TUBA1C: variants seen among roughly 807,000 people sequenced by gnomAD.
TUBA1C encodes tubulin alpha 1c, also known as tubulin alpha-1C chain.
In TUBA1C, 16 loss-of-function variants were observed where a neutral mutation model predicts 34.9. That is an observed-to-expected ratio of 0.46 (90% confidence interval 0.31 to 0.70). The LOEUF (loss-of-function observed/expected upper bound fraction) is 0.70, where lower values mean the gene tolerates loss of function less well. TUBA1C is among the 30% of genes least tolerant of loss of function. The pLI is 0.05. For missense variants in TUBA1C, 329 were observed against 587.3 expected (o/e 0.56, Z 4.55); for synonymous variants, 177 against 215.9 (o/e 0.82, Z 1.58).
intron 1 of TUBA1C, among the ~76,000 whole-genome samples, chr12:49,239,385 A>G (rs979208276): frequency 6.6e-6 from 1 of 152,162 alleles, no homozygotes; most frequent in African/African-American, 2.4e-5. Flanking sequence ...TCATACCTAT[A>G]ATCCCAGCAC....
In TUBA1C at chr12:49,269,911, G is replaced by T. The variant is rs1048698889; in HGVS notation, c.310G>T (p.Ala104Ser). 6.2e-7 allele frequency: 1 copy of T among 1,614,168 alleles called. No individual in the cohort carries two copies. The highest frequency in any genetic ancestry group is 8.5e-7 in the Non-Finnish European group (1 of 1,180,048). ...CAAGGAAGATGCTGCCAATAACTAT[G>T]CCCGAGGGCACTACACCATTGGCAA... The part of the protein sequence containing the change: ...TGKEDAANNY[A>S]RGHYTIGKEI... Residue 104 changes from alanine to serine, a missense_variant, in exon 3 of 4, where the codon GCC (alanine) becomes TCC (serine). Physicochemically the swap from Ala to Ser is moderately conservative, Grantham distance 99. Transcript: ENST00000301072.
At chr12:49,264,246 T>C (rs916351732), upstream of TUBA1C, among the ~76,000 whole-genome samples, 1 of 150,916 alleles carries the variant, frequency 6.6e-6, no homozygotes, top group African/African-American at 2.4e-5. Flanking sequence ...CCAACTACTC[T>C]GCATAGTTAG....
chr12:49,239,505 G>A (rs1655735693), intron 1 of TUBA1C, among the ~76,000 whole-genome samples: 1 of 152,122 alleles, frequency 6.6e-6, no homozygotes, highest in African/African-American at 2.4e-5. Flanking sequence ...GCCAGGTGTG[G>A]TGGCATGTGC....
intron 1 of TUBA1C, among the ~76,000 whole-genome samples, chr12:49,239,981 C>G (rs1357282488): frequency 6.6e-6 from 1 of 151,116 alleles, no homozygotes; most frequent in Non-Finnish European, 1.5e-5. Flanking sequence ...TCTTGTTGTT[C>G]TGCTTATTTC....
Position 49,246,604 on chromosome 12 carries a change from G to A in TUBA1C, c.213+18438G>A, listed in dbSNP as rs560989348. ...GCAGGAGAATGGCATGAACCCGGGA[G>A]GCGGAGCTTGCAGTGAGCGGAGATC... is the stretch of plus-strand genomic sequence containing the variant. On this transcript the variant is annotated intron_variant, in intron 1 of 3. Coordinates refer to the TUBA1C transcript ENST00000541364. Among the ~76,000 whole-genome samples, 3 of 152,110 alleles carry A rather than the reference G, an allele frequency of 2.0e-5. No homozygotes were observed. In the East Asian group the frequency reaches 5.9e-4, roughly 30 times the overall value.
At chr12:49,227,930 G>A in exon 1 of TUBA1C, 1 of 1,534,522 alleles carries the variant, frequency 6.5e-7, no homozygotes, top group Non-Finnish European at 8.7e-7. Context: ...AGAAGAAAGT[G>A]AACAATGGGC....
chr12:49,270,680 A>T (rs1041722956), intron 3 of TUBA1C, among the ~76,000 whole-genome samples: 2 of 152,166 alleles, frequency 1.3e-5, no homozygotes, highest in African/African-American at 4.8e-5. Context: ...GATGTTTCCG[A>T]TGCTTAAAAA....
intron 1 of TUBA1C, among the ~76,000 whole-genome samples, chr12:49,255,832 C>T (rs1942778408): frequency 6.6e-6 from 1 of 152,222 alleles, no homozygotes; most frequent in African/African-American, 2.4e-5. Flanking sequence ...TCCCAAAGTG[C>T]TGGGATTACA....
rs1308913808 is a variant in TUBA1C at position 49,272,723 on chromosome 12, C to T, written c.846C>T (p.Tyr282=). 2 of 1,612,890 alleles carry T rather than the reference C, an allele frequency of 1.2e-6. No homozygotes were observed. Among genetic ancestry groups the T allele is most frequent in the Non-Finnish European group, 1.7e-6 (2 of 1,179,954 alleles). The part of the protein sequence containing the change: ...YAPVISAEKA[Y]HEQLTVAEIT... The stretch of plus-strand genomic sequence containing the variant: ...CTGTCATCTCTGCTGAGAAAGCCTA[C>T]CACGAACAGCTTACTGTAGCAGAGA... The change falls in exon 4 of 4, where the codon TAC becomes TAT. Residue 282 remains tyrosine (Y), a synonymous_variant. Transcript: ENST00000301072.
At chr12:49,264,750 C>T (rs1023960173), upstream of TUBA1C, 1 of 172,730 alleles carries the variant, frequency 5.8e-6, no homozygotes, top group Non-Finnish European at 1.2e-5. Context: ...CCAGTGGACA[C>T]CTCTGTCCCT....
At chr12:49,235,747 A>C (rs1942548608) in intron 1 of TUBA1C, among the ~76,000 whole-genome samples, 1 of 151,940 alleles carries the variant, frequency 6.6e-6, no homozygotes, top group Non-Finnish European at 1.5e-5. Flanking sequence ...AAAAAAAAAA[A>C]AAAATCTTAC....
rs1943002174 is a variant in TUBA1C at position 49,272,314 on chromosome 12, G to C, written c.437G>C (p.Gly146Ala). 3 of 1,614,102 alleles carry C rather than the reference G, an allele frequency of 1.9e-6. No individual in the cohort carries two copies. In the East Asian group the frequency reaches 6.7e-5, roughly 36 times the overall value. Residue 146 changes from glycine to alanine, a missense_variant, in exon 4 of 4, where the codon GGT becomes GCT. By Grantham distance (60) the Gly-to-Ala change is moderately conservative. Around this residue, in one of 4 missense-constraint regions of TUBA1C, gnomAD observed 152 missense variants for 240.3 expected, o/e 0.63. Coordinates refer to ENST00000301072, the MANE Select transcript of TUBA1C (RefSeq NM_032704.5). ...LVFHSFGGGT[G>A]SGFTSLLMER... ...TTCCACAGCTTTGGTGGGGGAACTG[G>C]TTCTGGGTTCACCTCGCTGCTCATG...
At chr12:49,261,355 C>T (rs568447595), upstream of TUBA1C, among the ~76,000 whole-genome samples, 1 of 152,240 alleles carries the variant, frequency 6.6e-6, no homozygotes, top group South Asian at 2.1e-4. Context: ...CATAGGACTA[C>T]AAATTCAATA....
upstream of TUBA1C, among the ~76,000 whole-genome samples, chr12:49,262,781 AAAT>A (rs1392112581): frequency 6.6e-6 from 1 of 152,226 alleles, no homozygotes; most frequent in African/African-American, 2.4e-5. Flanking sequence ...CTCCATGTCA[AAAT>A]AATAATAATA....
At chr12:49,269,377 A>G (rs1298465541) in intron 1 of TUBA1C, 88 bp from the exon 2 acceptor site, 2 of 1,582,462 alleles carry the variant, frequency 1.3e-6, no homozygotes, top group Non-Finnish European at 1.7e-6. Context: ...ATCTGTCTTG[A>G]AGGTTAATCA....
chr12:49,270,843 G>A (rs185969592), intron 3 of TUBA1C, among the ~76,000 whole-genome samples: 2 of 152,282 alleles, frequency 1.3e-5, no homozygotes, highest in South Asian at 2.1e-4. Flanking sequence ...GCCGGGCGTG[G>A]TGGTGGGCGC....
At chr12:49,237,367 G>A (rs1183390184) in intron 1 of TUBA1C, among the ~76,000 whole-genome samples, 1 of 151,640 alleles carries the variant, frequency 6.6e-6, no homozygotes, top group South Asian at 2.1e-4. Flanking sequence ...GCGGTGAGCC[G>A]AGATCGTGCC....
At chr12:49,268,502 C>T (rs1942946295) in intron 1 of TUBA1C, among the ~76,000 whole-genome samples, 3 of 152,126 alleles carry the variant, frequency 2.0e-5, no homozygotes, top group Admixed American at 1.3e-4. Context: ...CTTGGCCTCC[C>T]AAAGTGCTGG....
chr12:49,246,331 T>C (rs1942666851), intron 1 of TUBA1C, among the ~76,000 whole-genome samples: 1 of 151,904 alleles, frequency 6.6e-6, no homozygotes, highest in South Asian at 2.1e-4. Flanking sequence ...CTAGAGAAAA[T>C]GTGATGGAAG....
Sources: allele counts gnomAD v4.1 joint callset (sites outside exome capture counted in the v4.1 genomes callset), GRCh38; gene constraint gnomAD v4.1.1; regional missense constraint gnomAD v4.1.1; transcripts MANE v1.5; gene names NCBI Gene and HGNC (gene_info 2026-07-23, HGNC 2026-07-21).